The following IL1RAPL1 variants were observed in gnomAD, a reference collection of about 807,000 sequenced individuals.
IL1RAPL1 encodes the protein interleukin-1 receptor accessory protein-like 1.
In IL1RAPL1, 3 loss-of-function variants were observed where a neutral mutation model predicts 48.4. The ratio of observed to expected loss-of-function variants is 0.06; its 90% CI spans 0.03 to 0.16. The LOEUF is 0.16. IL1RAPL1 is among the 10% of genes least tolerant of loss of function. The pLI is 1.00. For synonymous variants in IL1RAPL1, 185 were observed against 187.7 expected, an observed-to-expected ratio of 0.99 and a Z score of 0.12; for missense variants, 349 against 530.6, an observed-to-expected ratio of 0.66 and a Z score of 3.36.
At chrX:28,908,535 A>G (rs1251156633) in intron 2 of IL1RAPL1, among the ~76,000 whole-genome samples, 6 of 111,557 alleles carry the variant, frequency 5.4e-5, no homozygotes, top group Non-Finnish European at 1.1e-4. Flanking sequence ...GTTTAATTCC[A>G]TTGTGGTCTG....
At chrX:29,798,451 T>C (rs1300672270) in intron 6 of IL1RAPL1, among the ~76,000 whole-genome samples, 3 of 112,025 alleles carry the variant, frequency 2.7e-5, no homozygotes, top group African/African-American at 9.7e-5. Flanking sequence ...ATGCTAGTGT[T>C]GTATAGCCTC....
At position 28,768,778 on chromosome X, in the gene IL1RAPL1, T is replaced by TAC. The variant is rs1555921722; in HGVS notation, c.-24-20535_-24-20534dup. Among the ~76,000 whole-genome samples the TAC allele has an allele frequency of 1.3e-3, 97 of 76,403 alleles. 1 individual carries two copies. Among genetic ancestry groups the TAC allele is most frequent in the Middle Eastern group, 6.4e-3 (1 of 156 alleles). 66.3% of individuals were successfully genotyped at this position (76,403 alleles called of 115,157 possible). On this transcript the variant is annotated intron_variant, in intron 1 of 10. Coordinates refer to ENST00000378993, the MANE Select transcript of IL1RAPL1 (RefSeq NM_014271.4). ...CTCTATATATATATATATATATATATACACACACTATATATATACAGACAT... is the reference window on the plus strand; with the variant it reads ...CTCTATATATATATATATATATATATACACACACACTATATATATACAGACAT...
chrX:29,631,618 A>G (rs1415967757), intron 5 of IL1RAPL1, among the ~76,000 whole-genome samples: 1 of 111,454 alleles, frequency 9.0e-6, no homozygotes, highest in African/African-American at 3.3e-5. Flanking sequence ...AAGACATGCT[A>G]TATGTCATAG....
At chrX:29,713,747 C>T (rs994715283) in intron 6 of IL1RAPL1, among the ~76,000 whole-genome samples, 1 of 111,765 alleles carries the variant, frequency 8.9e-6, no homozygotes, top group African/African-American at 3.2e-5. Context: ...GGTCACTGCA[C>T]ATCAGTGGAA....
At chrX:28,882,139 T>A (rs73452880) in intron 2 of IL1RAPL1, among the ~76,000 whole-genome samples, 5,521 of 109,688 alleles carry the variant, frequency 0.05, 149 homozygotes, top group South Asian at 0.088. Flanking sequence ...ATTAAAAAAA[T>A]ATATATATAT....
chrX:29,881,259 C>G (rs886997898), intron 6 of IL1RAPL1, among the ~76,000 whole-genome samples: 2 of 111,131 alleles, frequency 1.8e-5, no homozygotes, highest in Non-Finnish European at 1.9e-5. Flanking sequence ...CACCACCAAG[C>G]TGTCAGGGAG....
intron 2 of IL1RAPL1, among the ~76,000 whole-genome samples, chrX:28,903,714 ACAAT>A (rs1367612166): frequency 1.8e-5 from 2 of 111,076 alleles, no homozygotes; most frequent in South Asian, 3.7e-4. Context: ...ACTAGGTAAG[ACAAT>A]CAACAACTAA....
intron 6 of IL1RAPL1, among the ~76,000 whole-genome samples, chrX:29,732,238 C>T (rs1369400286): frequency 1.8e-5 from 2 of 111,721 alleles, no homozygotes; most frequent in African/African-American, 6.5e-5. Context: ...TTGGAAATAA[C>T]GTGTAAGAGG....
intron 2 of IL1RAPL1, among the ~76,000 whole-genome samples, chrX:29,239,932 A>T (rs2147563878): frequency 9.2e-6 from 1 of 108,759 alleles, no homozygotes; most frequent in South Asian, 3.9e-4. Flanking sequence ...CTTCTTCAGT[A>T]GCCATATCTA....
intron 8 of IL1RAPL1, among the ~76,000 whole-genome samples, chrX:29,939,472 A>G (rs745923258): frequency 1.3e-4 from 15 of 111,916 alleles, no homozygotes; most frequent in African/African-American, 4.5e-4. Context: ...ACAAGACCCA[A>G]TGTATCCCCA....
chrX:29,508,110 T>A (rs1273885736), intron 5 of IL1RAPL1, among the ~76,000 whole-genome samples: 1 of 112,074 alleles, frequency 8.9e-6, no homozygotes. Flanking sequence ...TTTTTTTTAA[T>A]ACTTAAAAAC....
intron 6 of IL1RAPL1, among the ~76,000 whole-genome samples, chrX:29,785,496 A>G (rs1282067197): frequency 8.9e-6 from 1 of 112,357 alleles, no homozygotes; most frequent in Non-Finnish European, 1.9e-5. Context: ...AAATAGATGT[A>G]TGCTTTACAG....
intron 1 of IL1RAPL1, among the ~76,000 whole-genome samples, chrX:28,653,809 C>T (rs1934716073): frequency 8.9e-6 from 1 of 111,806 alleles, no homozygotes; most frequent in Admixed American, 9.5e-5. Context: ...ATGATCACAA[C>T]ATTAAATCCA....
chrX:29,535,469 G>A (rs1179011130), intron 5 of IL1RAPL1, among the ~76,000 whole-genome samples: 1 of 111,509 alleles, frequency 9.0e-6, no homozygotes, highest in African/African-American at 3.3e-5. Flanking sequence ...GCTCTTTGTG[G>A]GGTACCATCC....
intron 2 of IL1RAPL1, among the ~76,000 whole-genome samples, chrX:29,118,418 A>G (rs1482484839): frequency 8.9e-6 from 1 of 111,782 alleles, no homozygotes; most frequent in African/African-American, 3.2e-5. Flanking sequence ...AGAGCCAGGA[A>G]GTTCTAGAGC....
chrX:29,061,724 G>C (rs1927345532), intron 2 of IL1RAPL1, among the ~76,000 whole-genome samples: 1 of 112,463 alleles, frequency 8.9e-6, no homozygotes, highest in African/African-American at 3.2e-5. Flanking sequence ...CTCCCAAAGT[G>C]CCGGGATTAT....
intron 2 of IL1RAPL1, among the ~76,000 whole-genome samples, chrX:29,075,314 CTTTT>C (rs781380257): frequency 1.8e-5 from 2 of 111,486 alleles, no homozygotes; most frequent in Non-Finnish European, 3.8e-5. Context: ...AGGGTAATCT[CTTTT>C]TGTTTGTAGG....
At chrX:29,225,330 G>A (rs187435963) in intron 2 of IL1RAPL1, among the ~76,000 whole-genome samples, 1 of 111,730 alleles carries the variant, frequency 9.0e-6, no homozygotes, top group South Asian at 3.7e-4. Flanking sequence ...AATGTTCCAC[G>A]TTCCAAGTCT....
intron 6 of IL1RAPL1, among the ~76,000 whole-genome samples, chrX:29,765,288 A>G (rs1601813310): frequency 1.1e-5 from 1 of 92,222 alleles, no homozygotes; most frequent in South Asian, 5.0e-4. Flanking sequence ...GTTAATTGTC[A>G]TCCCAGTTAT....
Sources: allele counts gnomAD v4.1 joint callset (sites outside exome capture counted in the v4.1 genomes callset), GRCh38; gene constraint gnomAD v4.1.1; transcripts MANE v1.5; gene names NCBI Gene and HGNC (gene_info 2026-07-23, HGNC 2026-07-21).